The following CDH12 variants were observed in gnomAD, a reference collection of about 807,000 sequenced individuals.
The protein encoded by CDH12 is cadherin-12.
A neutral mutation model predicts 74.1 loss-of-function variants in CDH12; 41 were observed. That is an observed-to-expected ratio of 0.55 (90% CI 0.43 to 0.72). The LOEUF (loss-of-function observed/expected upper bound fraction) is 0.72, where lower values mean the gene tolerates loss of function less well. CDH12 is among the 30% of genes least tolerant of loss of function. The pLI, the probability that CDH12 is intolerant of heterozygous loss-of-function variation, is 0.00. For synonymous variants in CDH12, 399 were observed against 355.0 expected (o/e 1.12, Z -1.39); for missense variants, 945 against 977.2 (o/e 0.97, Z 0.44).
At chr5:22,722,672 T>C (rs962191989) in intron 1 of CDH12, among the ~76,000 whole-genome samples, 1 of 152,206 alleles carries the variant, frequency 6.6e-6, no homozygotes, top group African/African-American at 2.4e-5. Flanking sequence ...TGCGTACACA[T>C]AGTTGCAGCC....
rs1741770335 is a variant in CDH12 at position 22,381,826 on chromosome 5, A to G, written c.-333+23431T>C. On this transcript the variant is annotated intron_variant, in intron 3 of 14. Coordinates refer to ENST00000382254, the MANE Select transcript of CDH12 (RefSeq NM_004061.5). ...TAACAGACACCAAAGGAAGTTCGGG[A>G]AAAAAAAACGAAACTGCCGTCTTAA... is the stretch of plus-strand genomic sequence containing the variant. 3.3e-5 allele frequency among the ~76,000 whole-genome samples: 5 copies of G among 149,408 alleles called. No homozygotes were observed. The South Asian group carries it at 6.4e-4, about 19-fold the overall frequency.
At chr5:22,272,792 G>A (rs1736458565) in intron 3 of CDH12, among the ~76,000 whole-genome samples, 1 of 152,256 alleles carries the variant, frequency 6.6e-6, no homozygotes, top group East Asian at 1.9e-4. Context: ...TATGGGTGCT[G>A]TGTTCGTCTG....
intron 1 of CDH12, among the ~76,000 whole-genome samples, chr5:22,846,236 T>G (rs1480349512): frequency 1.3e-5 from 2 of 152,166 alleles, no homozygotes; most frequent in Non-Finnish European, 2.9e-5. Flanking sequence ...AGTCTGGTTT[T>G]GAACAAGTTG....
chr5:22,228,170 CACTT>C (rs779619696), intron 3 of CDH12, among the ~76,000 whole-genome samples: 42 of 151,956 alleles, frequency 2.8e-4, no homozygotes, highest in Non-Finnish European at 4.6e-4. Context: ...GTACTATTAA[CACTT>C]AGTTATTAAT....
chr5:22,641,095 CAT>C (rs764130378), intron 1 of CDH12, among the ~76,000 whole-genome samples: 42 of 152,122 alleles, frequency 2.8e-4, no homozygotes, highest in African/African-American at 9.7e-5. Context: ...GATGTAGACA[CAT>C]GAGAGGATAT....
chr5:22,261,804 A>G (rs994772304), intron 3 of CDH12, among the ~76,000 whole-genome samples: 1 of 146,376 alleles, frequency 6.8e-6, no homozygotes, highest in Non-Finnish European at 1.5e-5. Flanking sequence ...AAAAAAAAAA[A>G]TACATGGCTT....
chr5:22,160,640 G>A (rs1182999641), intron 4 of CDH12, among the ~76,000 whole-genome samples: 1 of 152,142 alleles, frequency 6.6e-6, no homozygotes, highest in African/African-American at 2.4e-5. Flanking sequence ...TTAAGATCAG[G>A]GTGCTGGCTG....
At chr5:22,453,803 T>G (rs1380184161) in intron 2 of CDH12, among the ~76,000 whole-genome samples, 1 of 152,200 alleles carries the variant, frequency 6.6e-6, no homozygotes, top group Non-Finnish European at 1.5e-5. Context: ...GATTTGATCA[T>G]TACACGATGT....
At chr5:22,176,354 T>G (rs1251324470) in intron 4 of CDH12, among the ~76,000 whole-genome samples, 2 of 152,092 alleles carry the variant, frequency 1.3e-5, no homozygotes, top group East Asian at 3.9e-4. Context: ...CAATATATAG[T>G]ATCTTAATCC....
chr5:22,817,749 G>A (rs1171658019), intron 1 of CDH12, among the ~76,000 whole-genome samples: 1 of 152,094 alleles, frequency 6.6e-6, no homozygotes, highest in Non-Finnish European at 1.5e-5. Flanking sequence ...TAATAGGCAA[G>A]AGCTGTTAAA....
At chr5:22,790,836 GAGT>G (rs1410086341) in intron 1 of CDH12, among the ~76,000 whole-genome samples, 3 of 152,074 alleles carry the variant, frequency 2.0e-5, no homozygotes, top group Non-Finnish European at 4.4e-5. Flanking sequence ...AGCAAGAAGG[GAGT>G]CATAGACTCA....
intron 6 of CDH12, among the ~76,000 whole-genome samples, chr5:21,874,073 C>T (rs184460204): frequency 3.2e-4 from 48 of 152,148 alleles, no homozygotes; most frequent in Non-Finnish European, 4.6e-4. Flanking sequence ...CATTTGCAAG[C>T]GTATATCTTT....
intron 6 of CDH12, among the ~76,000 whole-genome samples, chr5:21,931,969 G>C (rs1938227259): frequency 6.6e-6 from 1 of 152,148 alleles, no homozygotes; most frequent in African/African-American, 2.4e-5. Context: ...GTGGACCCTG[G>C]GGGTGATGAC....
intron 6 of CDH12, among the ~76,000 whole-genome samples, chr5:21,861,140 T>C (rs554117931): frequency 6.6e-6 from 1 of 152,032 alleles, no homozygotes; most frequent in African/African-American, 2.4e-5. Context: ...GCAGAGAAAA[T>C]GGTCATGTAT....
chr5:22,816,212 G>A (rs1184630236), intron 1 of CDH12, among the ~76,000 whole-genome samples: 2 of 152,174 alleles, frequency 1.3e-5, no homozygotes, highest in African/African-American at 2.4e-5. Flanking sequence ...ACTTGAACGA[G>A]GTTGATTTTT....
In CDH12 at chr5:22,787,783, G is replaced by C. The variant is rs535378953; in HGVS notation, c.-523+65275C>G. On this transcript the variant is annotated intron_variant, in intron 1 of 14. Coordinates refer to ENST00000382254, the MANE Select transcript of CDH12 (RefSeq NM_004061.5). ...TACATGCACATACGGCTGTTAGCAG[G>C]TCCTCACTCGCTGGTTTCCAGAGTC... 3.9e-5 allele frequency among the ~76,000 whole-genome samples: 6 copies of C among 152,258 alleles called. No homozygotes were observed. The East Asian group carries it at 1.2e-3, about 29-fold the overall frequency.
Position 21,896,495 on chromosome 5 carries a change from C to T in CDH12, c.527-41705G>A, listed in dbSNP as rs571845146. Among the ~76,000 whole-genome samples the T allele has an allele frequency of 9.8e-5, 15 of 152,294 alleles. No homozygotes were observed. In the East Asian group the frequency reaches 2.9e-3, roughly 29 times the overall value. ...TACAATTCTCAGCAGCTAATGGGAA[C>T]TCTACCTCTTTCTCTTCCATTCACC... is the stretch of plus-strand genomic sequence containing the variant. On this transcript the variant is annotated intron_variant, in intron 6 of 14. Transcript: ENST00000382254.
chr5:22,570,460 G>A (rs77007989), intron 1 of CDH12, among the ~76,000 whole-genome samples: 117 of 152,086 alleles, frequency 7.7e-4, no homozygotes, highest in Middle Eastern at 3.4e-3. Context: ...TAATCCCTGC[G>A]TATATCTCCC....
At chr5:22,348,723 TAC>T (rs1740230681) in intron 3 of CDH12, among the ~76,000 whole-genome samples, 1 of 152,210 alleles carries the variant, frequency 6.6e-6, no homozygotes, top group Non-Finnish European at 1.5e-5. Context: ...CCTAGCAGGA[TAC>T]TATTATGAAT....
Sources: allele counts gnomAD v4.1 joint callset (sites outside exome capture counted in the v4.1 genomes callset), GRCh38; gene constraint gnomAD v4.1.1; transcripts MANE v1.5; gene names NCBI Gene and HGNC (gene_info 2026-07-23, HGNC 2026-07-21).